CHD6: variants seen among roughly 807,000 people sequenced by gnomAD.
CHD6 encodes ATP-dependent chromatin remodeler CHD6.
In CHD6, 50 loss-of-function variants were observed where a neutral mutation model predicts 276.9. That is an observed-to-expected ratio of 0.18 (90% CI 0.14 to 0.23). CHD6 has a LOEUF of 0.23. CHD6 is among the 10% of genes least tolerant of loss of function. CHD6 has a pLI of 1.00. For synonymous variants in CHD6, 1,173 were observed against 1,229.3 expected, an observed-to-expected ratio of 0.95 and a Z score of 0.96; for missense variants, 2,564 against 3,365.8, an observed-to-expected ratio of 0.76 and a Z score of 5.89.
rs776961779 is a variant in CHD6, at chr20:41,422,070, T to G, written c.4565A>C (p.Asp1522Ala). 1.9e-6 allele frequency: 3 copies of G among 1,606,518 alleles called. No individual in the cohort carries two copies. The African/African-American group carries it at 4.0e-5, about 21-fold the overall frequency. The change falls in exon 31 of 37, where the codon GAT (aspartate) becomes GCT (alanine). Residue 1522 changes from aspartate (D) to alanine (A), a missense_variant. Transcript: ENST00000373233. ...GATGGGTTCAACGTAGATGGTGGTA[T>G]CTGGGGGACCTGGAGAGAAAGGGAA... is the stretch of plus-strand genomic sequence containing the variant. Reference protein sequence around the residue: ...LPTWKDGGPPDTTIYVEPITE... With the variant: ...LPTWKDGGPPATTIYVEPITE...
At chr20:41,502,234 G>C (rs1018729490) in intron 5 of CHD6, among the ~76,000 whole-genome samples, 1 of 151,936 alleles carries the variant, frequency 6.6e-6, no homozygotes, top group African/African-American at 2.4e-5. Context: ...AAATTTTCTA[G>C]TAGCCACATT....
intron 1 of CHD6, among the ~76,000 whole-genome samples, chr20:41,586,690 T>G (rs2045598679): frequency 6.6e-6 from 1 of 152,098 alleles, no homozygotes; most frequent in Non-Finnish European, 1.5e-5. Flanking sequence ...CTCAAAAACA[T>G]CAGTCAATAT....
intron 3 of CHD6, among the ~76,000 whole-genome samples, chr20:41,523,802 C>T (rs760041989): frequency 1.3e-5 from 2 of 152,000 alleles, no homozygotes; most frequent in Admixed American, 6.6e-5. Flanking sequence ...AATCTGAGTA[C>T]GAGGAAAGAT....
At chr20:41,514,509 C>T (rs1395106026) in intron 4 of CHD6, among the ~76,000 whole-genome samples, 1 of 152,186 alleles carries the variant, frequency 6.6e-6, no homozygotes, top group African/African-American at 2.4e-5. Flanking sequence ...GCAAAAGAGG[C>T]CTTACCTAGC....
At chr20:41,461,823 T>C (rs1010057767) in intron 17 of CHD6, 25 of 152,462 alleles carry the variant, frequency 1.6e-4, no homozygotes, top group Non-Finnish European at 2.8e-4. Context: ...AAGGAGCACA[T>C]AGCTGGCAGG....
At chr20:41,527,682 C>T (rs761046728) in intron 3 of CHD6, among the ~76,000 whole-genome samples, 2 of 152,186 alleles carry the variant, frequency 1.3e-5, no homozygotes, top group African/African-American at 2.4e-5. Context: ...CATTTAGAAG[C>T]ATTAGATGCA....
chr20:41,445,470 G>A (rs971957826), intron 25 of CHD6, among the ~76,000 whole-genome samples, 195 bp downstream of exon 25: 2 of 152,106 alleles, frequency 1.3e-5, no homozygotes, highest in Non-Finnish European at 1.5e-5. Flanking sequence ...TATAAAATTC[G>A]CAGTATTATT....
At chr20:41,431,670 T>C (rs1333050625) in intron 27 of CHD6, among the ~76,000 whole-genome samples, 1 of 151,640 alleles carries the variant, frequency 6.6e-6, no homozygotes, top group Non-Finnish European at 1.5e-5. Flanking sequence ...TTAAACCCTC[T>C]GGATAGTAAA....
intron 8 of CHD6, among the ~76,000 whole-genome samples, chr20:41,495,057 C>A (rs2043650158): frequency 6.6e-6 from 1 of 151,658 alleles, no homozygotes; most frequent in African/African-American, 2.4e-5. Context: ...AAAAAAAAAC[C>A]CAGTTTGTTC....
intron 25 of CHD6, among the ~76,000 whole-genome samples, 189 bp from the exon 26 acceptor site, chr20:41,440,318 G>C (rs961931348): frequency 2.6e-5 from 4 of 152,222 alleles, no homozygotes; most frequent in African/African-American, 9.6e-5. Context: ...ACACCTTTGA[G>C]TAGTGTTTGA....
At chr20:41,425,666 A>T (rs2047338781) in intron 28 of CHD6, among the ~76,000 whole-genome samples, 1 of 152,152 alleles carries the variant, frequency 6.6e-6, no homozygotes, top group Admixed American at 6.5e-5. Flanking sequence ...CTTTGCTCTA[A>T]AGCACAGGAA....
At chr20:41,413,026 G>A (rs546910988) in intron 35 of CHD6, among the ~76,000 whole-genome samples, 2 of 152,190 alleles carry the variant, frequency 1.3e-5, no homozygotes, top group Non-Finnish European at 1.5e-5. Flanking sequence ...TTCTCTATGA[G>A]CTTATGATAC....
Position 41,426,076 on chromosome 20 carries a change from G to A in CHD6, c.4129+17C>T, listed in dbSNP as rs760426232. The A allele has an allele frequency of 1.0e-5, 16 of 1,576,004 alleles. No individual in the cohort carries two copies. The highest frequency in any genetic ancestry group is 1.7e-5 in the Admixed American group (1 of 59,954). On this transcript the variant is annotated intron_variant, in intron 28 of 36. Transcript: ENST00000373233. ...AAGACCTTACTTTCCTATGCCTTCA[G>A]AAGGACATAGTCTCACCTGCCCGGC...
At chr20:41,532,917 A>G (rs2044724030) in intron 3 of CHD6, 133 bp downstream of exon 3, 1 of 1,011,692 alleles carries the variant, frequency 9.9e-7, no homozygotes, top group Non-Finnish European at 1.4e-6. Flanking sequence ...TCCCCATCCT[A>G]TACAGGTGAG....
chr20:41,558,978 T>C (rs2045271221), intron 1 of CHD6, among the ~76,000 whole-genome samples: 1 of 152,184 alleles, frequency 6.6e-6, no homozygotes, highest in Non-Finnish European at 1.5e-5. Context: ...AAGCTACACC[T>C]TTCAGTGGAA....
intron 16 of CHD6, among the ~76,000 whole-genome samples, chr20:41,477,866 C>T (rs1478794349): frequency 6.6e-6 from 1 of 152,154 alleles, no homozygotes. Context: ...TACTTAGCCT[C>T]TAGATCACCT....
chr20:41,419,554 C>CAAAAAAAAAAAAAAAAAA lies in CHD6; in HGVS notation c.6127+936_6127+953dup, dbSNP rs58696183. 9.8e-4 allele frequency among the ~76,000 whole-genome samples: 23 copies of CAAAAAAAAAAAAAAAAAA among 23,468 alleles called. 4 individuals carry two copies. Among genetic ancestry groups the CAAAAAAAAAAAAAAAAAA allele is most frequent in the Non-Finnish European group, 1.4e-3 (19 of 13,636 alleles). 15.4% of individuals were successfully genotyped at this position (23,468 alleles called of 152,430 possible). A position where few individuals can be genotyped will look rare whatever the true frequency, so the allele number is the denominator to read the frequency against. Reference sequence around the variant, plus strand: ...TGGGTGACAGAGCAAGACTCTGTCTCAAAAAAAAAAAAAAAAAAAAAAAAA... The same window carrying CAAAAAAAAAAAAAAAAAA: ...TGGGTGACAGAGCAAGACTCTGTCTCAAAAAAAAAAAAAAAAAAAAAAAAAAAAAAAAAAAAAAAAAAA... On this transcript the variant is annotated intron_variant, in intron 31 of 36. Transcript: ENST00000373233.
intron 1 of CHD6, among the ~76,000 whole-genome samples, chr20:41,603,965 T>TG (rs2045799881): frequency 2.1e-5 from 3 of 143,964 alleles, no homozygotes. Flanking sequence ...GGCCTTACCC[T>TG]GGGTTCACCT....
intron 1 of CHD6, among the ~76,000 whole-genome samples, chr20:41,566,033 A>G (rs963563761): frequency 1.3e-5 from 2 of 152,192 alleles, no homozygotes; most frequent in African/African-American, 2.4e-5. Flanking sequence ...GGTTTTAGAC[A>G]TGGTGACTCT....
Sources: allele counts gnomAD v4.1 joint callset (sites outside exome capture counted in the v4.1 genomes callset), GRCh38; gene constraint gnomAD v4.1.1; transcripts MANE v1.5; gene names NCBI Gene and HGNC (gene_info 2026-07-23, HGNC 2026-07-21).